DDX3Y: variants seen among roughly 807,000 people sequenced by gnomAD.
DDX3Y encodes the protein DEAD-box helicase 3 Y-linked, also known as ATP-dependent RNA helicase DDX3Y.
A neutral mutation model predicts 15.1 loss-of-function variants in DDX3Y; 2 were observed. The ratio of observed to expected loss-of-function variants is 0.13; its 90% CI spans 0.05 to 0.42. The LOEUF is 0.42. Ranked by LOEUF, DDX3Y falls within the 10% of genes least tolerant of loss-of-function variation. The pLI is 0.99. For missense variants in DDX3Y, 81 were observed against 149.9 expected, an observed-to-expected ratio of 0.54 and a Z score of 2.40; for synonymous variants, 47 against 45.0, an observed-to-expected ratio of 1.04 and a Z score of -0.18.
rs757414778 is a variant in DDX3Y at position 12,913,032 on chromosome Y, C to T, written c.507C>T (p.Thr169=). Reference sequence around the variant, plus strand: ...ATGATGATATACCAGTAGAGGCAACCGGCAGTAACTGTCCTCCACATATTG... The same window carrying T: ...ATGATGATATACCAGTAGAGGCAACTGGCAGTAACTGTCCTCCACATATTG... ...EKYDDIPVEA[T]GSNCPPHIEN... is the part of the protein sequence containing the mutation. Residue 169 remains threonine (T), a synonymous_variant, in exon 6 of 17, where the codon ACC becomes ACT. Coordinates refer to ENST00000336079, the MANE Select transcript of DDX3Y (RefSeq NM_004660.5). 6 of 395,438 alleles carry T rather than the reference C, an allele frequency of 1.5e-5. No homozygotes were observed. The highest frequency in any genetic ancestry group is 2.1e-5 in the Non-Finnish European group (6 of 281,263).
intron 3 of DDX3Y, 98 bp downstream of exon 3, chrY:12,909,505 C>G: frequency 5.6e-6 from 1 of 177,440 alleles, no homozygotes; most frequent in East Asian, 1.2e-4. Flanking sequence ...GTTTTTTGTC[C>G]CCTCCTGTGC....
At chrY:12,912,618 C>A in intron 4 of DDX3Y, 109 bp from the exon 5 acceptor site, 1 of 279,815 alleles carries the variant, frequency 3.6e-6, no homozygotes, top group South Asian at 3.4e-5. Context: ...CCAGTATCTT[C>A]GAAGGGTGGT....
At chrY:12,912,652 C>A in intron 4 of DDX3Y, 75 bp from the exon 5 acceptor site, 1 of 357,792 alleles carries the variant, frequency 2.8e-6, no homozygotes, top group South Asian at 3.1e-5. Context: ...TCAACTGATA[C>A]CCAAGTACGT....
chrY:12,917,490 C>G lies in DDX3Y; in HGVS notation c.1851C>G (p.Ser617Arg). The G allele has an allele frequency of 2.5e-6, 1 of 397,916 alleles. No individual in the cohort carries two copies. Among genetic ancestry groups the G allele is most frequent in the Non-Finnish European group, 3.5e-6 (1 of 283,139 alleles). The stretch of plus-strand genomic sequence containing the variant: ...CTGGCTTTGGTGCTAGTCGCGGAAG[C>G]AGCAGCCGCAGTGGTGGAGGTGGTT... ...SSSGFGASRG[S>R]SSRSGGGGYG... Residue 617 changes from serine to arginine, a missense_variant, in exon 16 of 17, where the codon AGC (serine) becomes AGG (arginine). Transcript: ENST00000336079.
In DDX3Y at chrY:12,904,922, C is replaced by T; in HGVS notation, c.-15C>T. 2.5e-6 allele frequency: 1 copy of T among 396,870 alleles called. No individual in the cohort carries two copies. Among genetic ancestry groups the T allele is most frequent in the South Asian group, 3.0e-5 (1 of 33,641 alleles). Reference sequence around the variant, plus strand: ...ACCTACAGTGGACTACCCGATTTTTCGCTTCTCTTCAGGGATGAGTCATGT... The same window carrying T: ...ACCTACAGTGGACTACCCGATTTTTTGCTTCTCTTCAGGGATGAGTCATGT... On this transcript the variant is annotated 5_prime_UTR_variant, in exon 1 of 17. Coordinates refer to ENST00000336079, the MANE Select transcript of DDX3Y (RefSeq NM_004660.5).
At chrY:12,917,583 CTTTTTTT>C in intron 16 of DDX3Y, 41 bp downstream of exon 16, 1 of 282,127 alleles carries the variant, frequency 3.5e-6, no homozygotes, top group Non-Finnish European at 4.8e-6. Context: ...TTTTGTTTTT[CTTTTTTT>C]TTTTTTTTTG....
At chrY:12,917,299 A>G in intron 15 of DDX3Y, 104 bp from the exon 16 acceptor site, 2 of 303,760 alleles carry the variant, frequency 6.6e-6, no homozygotes, top group African/African-American at 1.4e-4. Flanking sequence ...AACATAATGG[A>G]ATTGAACTGA....
chrY:12,917,349 T>C, intron 15 of DDX3Y, 54 bp from the exon 16 acceptor site: 1 of 383,746 alleles, frequency 2.6e-6, no homozygotes, highest in Non-Finnish European at 3.7e-6. Context: ...GCAGTAATTT[T>C]CAGTTTAATT....
Position 12,913,020 on chromosome Y carries a change from A to C in DDX3Y, c.495A>C (p.Pro165=). The C allele has an allele frequency of 2.5e-6, 1 of 397,894 alleles. No homozygotes were observed. The highest frequency in any genetic ancestry group is 3.5e-6 in the Non-Finnish European group (1 of 282,784). Residue 165 remains proline (P), a synonymous_variant, in exon 6 of 17, where the codon CCA becomes CCC. Transcript: ENST00000336079. ...GINFEKYDDI[P]VEATGSNCPP... is the part of the protein sequence containing the mutation. The stretch of plus-strand genomic sequence containing the variant: ...ACTTTGAGAAATATGATGATATACC[A>C]GTAGAGGCAACCGGCAGTAACTGTC...
chrY:12,909,220 G>A, intron 2 of DDX3Y, 140 bp from the exon 3 acceptor site: 1 of 158,491 alleles, frequency 6.3e-6, no homozygotes, highest in Non-Finnish European at 1.1e-5. Context: ...CATTTTTTCC[G>A]CTCATCTTGC....
chrY:12,915,804 G>T, intron 11 of DDX3Y, 30 bp downstream of exon 11: 1 of 397,707 alleles, frequency 2.5e-6, no homozygotes, highest in East Asian at 9.2e-5. Context: ...CTTTCATTCA[G>T]AACATTTGTG....
At chrY:12,915,320 A>C in intron 10 of DDX3Y, 93 bp downstream of exon 10, 1 of 299,992 alleles carries the variant, frequency 3.3e-6, no homozygotes. Flanking sequence ...TAACTTCAAT[A>C]ATTTAATTTT....
intron 6 of DDX3Y, 36 bp from the exon 7 acceptor site, chrY:12,913,682 C>T: frequency 2.6e-6 from 1 of 385,625 alleles, no homozygotes; most frequent in Non-Finnish European, 3.7e-6. Flanking sequence ...TCTGTATTTA[C>T]TTGTATTTGA....
At chrY:12,905,922 G>T in intron 1 of DDX3Y, 1 of 109,630 alleles carries the variant, frequency 9.1e-6, no homozygotes, top group Non-Finnish European at 1.9e-5. Context: ...TTTACTTTAG[G>T]CGATACATGC....
chrY:12,909,428 T>C, intron 3 of DDX3Y, 21 bp downstream of exon 3: 1 of 380,679 alleles, frequency 2.6e-6, no homozygotes, highest in Non-Finnish European at 3.7e-6. Context: ...AAGGCAACTT[T>C]GTAGACCTAA....
At chrY:12,910,094 A>G (rs9341293) in intron 3 of DDX3Y, among the ~76,000 whole-genome samples, 3 of 33,358 alleles carry the variant, frequency 9.0e-5, no homozygotes, top group African/African-American at 3.5e-4. Context: ...TTTAGTCTGT[A>G]GCCTCTTTAG....
chrY:12,915,595 A>G (rs72625304), intron 10 of DDX3Y, 35 bp from the exon 11 acceptor site: 704 of 379,270 alleles, frequency 1.9e-3, no homozygotes, highest in Middle Eastern at 7.8e-3. Context: ...TCTCAGATCT[A>G]ATAATCCAGT....
intron 3 of DDX3Y, among the ~76,000 whole-genome samples, chrY:12,910,478 AT>A (rs2053624304): frequency 1.6e-4 from 5 of 31,380 alleles, no homozygotes; most frequent in Admixed American, 2.9e-4. Flanking sequence ...TACTCTTGTC[AT>A]TTTTTTTTTA....
chrY:12,917,890 C>G, intron 16 of DDX3Y, among the ~76,000 whole-genome samples, 153 bp from the exon 17 acceptor site: 1 of 32,873 alleles, frequency 3.0e-5, no homozygotes, highest in Non-Finnish European at 7.5e-5. Context: ...TACGAGTTCT[C>G]TTTTTCAAAG....
Sources: gnomAD v4.1 joint callset for allele counts (sites outside exome capture counted in the v4.1 genomes callset) on GRCh38, gnomAD v4.1.1 for gene constraint, MANE v1.5 for transcripts, NCBI Gene and HGNC (gene_info 2026-07-23, HGNC 2026-07-21) for gene names.